The following CFDP1 variants were observed in gnomAD, a reference collection of about 807,000 sequenced individuals.
CFDP1 encodes heterochromatin-stabilizing protein CFDP1.
In CFDP1, 31 loss-of-function variants were observed where a neutral mutation model predicts 40.1. The observed-to-expected ratio is 0.77, with a 90% CI of 0.58 to 1.04. CFDP1 has a LOEUF of 1.04. Among genes scored for constraint, CFDP1 ranks in the 50% least tolerant of loss-of-function variants. CFDP1 has a pLI of 0.00. For missense variants in CFDP1, 423 were observed against 343.4 expected, an observed-to-expected ratio of 1.23 and a Z score of -1.83; for synonymous variants, 167 against 120.0, an observed-to-expected ratio of 1.39 and a Z score of -2.56.
intron 5 of CFDP1, among the ~76,000 whole-genome samples, chr16:75,354,470 G>C (rs574557729): frequency 6.6e-6 from 1 of 152,142 alleles, no homozygotes; most frequent in Admixed American, 6.5e-5. Flanking sequence ...ATGAGCATGA[G>C]GTTCACAGCC....
At chr16:75,394,147 G>A (rs940871468) in intron 5 of CFDP1, among the ~76,000 whole-genome samples, 1 of 152,192 alleles carries the variant, frequency 6.6e-6, no homozygotes, top group Non-Finnish European at 1.5e-5. Context: ...TGACTGAAGG[G>A]CCACAGAAGC....
At chr16:75,349,961 T>C (rs1430819229) in intron 5 of CFDP1, among the ~76,000 whole-genome samples, 1 of 151,812 alleles carries the variant, frequency 6.6e-6, no homozygotes, top group African/African-American at 2.4e-5. Flanking sequence ...CTTTTTCCTA[T>C]CTTAGGAGAA....
At chr16:75,408,829 T>C (rs1295007500) in intron 4 of CFDP1, among the ~76,000 whole-genome samples, 3 of 152,004 alleles carry the variant, frequency 2.0e-5, no homozygotes, top group Non-Finnish European at 4.4e-5. Context: ...GTCTGACATT[T>C]AATACTGAGA....
At chr16:75,309,587 G>A (rs1368456818) in intron 5 of CFDP1, among the ~76,000 whole-genome samples, 2 of 152,102 alleles carry the variant, frequency 1.3e-5, no homozygotes, top group African/African-American at 2.4e-5. Context: ...TTGGGAAGCC[G>A]AGGCGGGCGG....
rs145116214 is a variant in CFDP1 at position 75,398,252 on chromosome 16, T to C, written c.531-3043A>G. Reference sequence around the variant, plus strand: ...TTTTGTGAGTAAGAAAACTGAAATATAAGGTTGCGTTACTTATTCAAGGCT... The same window carrying C: ...TTTTGTGAGTAAGAAAACTGAAATACAAGGTTGCGTTACTTATTCAAGGCT... On this transcript the variant is annotated intron_variant, in intron 4 of 6. Coordinates refer to ENST00000283882, the MANE Select transcript of CFDP1 (RefSeq NM_006324.3). 3.7e-3 allele frequency among the ~76,000 whole-genome samples: 561 copies of C among 152,328 alleles called. 7 individuals are homozygous for C. Among genetic ancestry groups the C allele is most frequent in the South Asian group, 0.015 (72 of 4,828 alleles).
chr16:75,310,191 C>G (rs760242909), intron 5 of CFDP1, among the ~76,000 whole-genome samples: 3 of 152,206 alleles, frequency 2.0e-5, no homozygotes, highest in Non-Finnish European at 2.9e-5. Flanking sequence ...TAATACTGTT[C>G]AAGGAGTGTG....
At chr16:75,320,482 T>C (rs1288751209) in intron 5 of CFDP1, among the ~76,000 whole-genome samples, 1 of 152,036 alleles carries the variant, frequency 6.6e-6, no homozygotes, top group Non-Finnish European at 1.5e-5. Context: ...TCAACTAAAG[T>C]AGGGCAGACC....
chr16:75,379,794 A>T (rs1262911717), intron 5 of CFDP1: 1 of 152,174 alleles, frequency 6.6e-6, no homozygotes, highest in Non-Finnish European at 1.5e-5. Context: ...ATGACTACAC[A>T]TGAGTATACA....
intron 4 of CFDP1, among the ~76,000 whole-genome samples, chr16:75,402,299 T>C (rs796602369): frequency 4.6e-5 from 7 of 152,348 alleles, no homozygotes; most frequent in African/African-American, 1.7e-4. Flanking sequence ...TTTAACTTTA[T>C]TTTCACTTGC....
rs144601690 is a variant in CFDP1, at chr16:75,398,846, A to C, written c.531-3637T>G. On this transcript the variant is annotated intron_variant, in intron 4 of 6. Coordinates refer to ENST00000283882, the MANE Select transcript of CFDP1 (RefSeq NM_006324.3). ...GAGGCGGGCAGATCACGAGGTCAGG[A>C]GATTGAGACCACCCTGGCTAACACG... Among the ~76,000 whole-genome samples the C allele has an allele frequency of 3.9e-5, 6 of 152,056 alleles. No individual in the cohort carries two copies. The East Asian group carries it at 1.2e-3, about 29-fold the overall frequency.
intron 5 of CFDP1, among the ~76,000 whole-genome samples, chr16:75,391,857 T>C (rs2078954509): frequency 6.6e-6 from 1 of 151,928 alleles, no homozygotes; most frequent in South Asian, 2.1e-4. Flanking sequence ...TAATCCCAGC[T>C]ACTCGGGAGG....
chr16:75,355,414 A>C (rs1275397030), intron 5 of CFDP1, among the ~76,000 whole-genome samples: 1 of 152,230 alleles, frequency 6.6e-6, no homozygotes, highest in Admixed American at 6.5e-5. Flanking sequence ...AATATATACT[A>C]TTCTAAATCC....
intron 1 of CFDP1, chr16:75,419,046 G>A (rs2079244987): frequency 7.2e-6 from 3 of 417,604 alleles, no homozygotes; most frequent in Non-Finnish European, 1.5e-5. Flanking sequence ...GGGAGGCTGA[G>A]GCAGGAGGAT....
intron 5 of CFDP1, among the ~76,000 whole-genome samples, chr16:75,393,773 A>G (rs12149479): frequency 6.5e-5 from 6 of 92,524 alleles, no homozygotes; most frequent in Non-Finnish European, 8.8e-5. Flanking sequence ...AAAAAAAAAA[A>G]GTGGGGCCGG....
chr16:75,433,183 C>G (rs1567688122), intron 1 of CFDP1, 106 bp downstream of exon 1: 3 of 1,118,286 alleles, frequency 2.7e-6, no homozygotes, highest in Non-Finnish European at 3.9e-6. Context: ...CAGGAGCCCC[C>G]CTGGACCACC....
chr16:75,298,789 C>A (rs1433145184), intron 6 of CFDP1, among the ~76,000 whole-genome samples: 1 of 152,196 alleles, frequency 6.6e-6, no homozygotes, highest in Non-Finnish European at 1.5e-5. Context: ...CCACTGCCTT[C>A]TTCCCCTATC....
intron 6 of CFDP1, among the ~76,000 whole-genome samples, chr16:75,295,146 C>T (rs1443098194): frequency 6.6e-6 from 1 of 152,282 alleles, no homozygotes. Flanking sequence ...GAGAATGCTA[C>T]CAGGTTCAGA....
chr16:75,432,937 A>G (rs542730198), intron 1 of CFDP1, among the ~76,000 whole-genome samples: 20 of 152,308 alleles, frequency 1.3e-4, no homozygotes, highest in Admixed American at 2.6e-4. Flanking sequence ...CAGGGCTGAA[A>G]AAAACCTCCA....
chr16:75,300,255 T>C (rs1490393367), intron 6 of CFDP1, among the ~76,000 whole-genome samples: 2 of 152,064 alleles, frequency 1.3e-5, no homozygotes, highest in African/African-American at 4.8e-5. Flanking sequence ...TTGTGGGATG[T>C]TGGTGGAAAG....
Sources: allele counts gnomAD v4.1 joint callset (sites outside exome capture counted in the v4.1 genomes callset), GRCh38; gene constraint gnomAD v4.1.1; transcripts MANE v1.5; gene names NCBI Gene and HGNC (gene_info 2026-07-23, HGNC 2026-07-21).